The following VPS26C variants were observed in gnomAD, a reference collection of about 807,000 sequenced individuals.
VPS26C encodes the protein VPS26 endosomal protein sorting factor C.
A neutral mutation model predicts 30.6 loss-of-function variants in VPS26C; 19 were observed. The ratio of observed to expected loss-of-function variants is 0.62; its 90% CI spans 0.43 to 0.91. The LOEUF is 0.91. Ranked by LOEUF, VPS26C falls within the 40% of genes least tolerant of loss-of-function variation. VPS26C has a pLI of 0.00. For missense variants in VPS26C, 318 were observed against 385.1 expected, an observed-to-expected ratio of 0.83 and a Z score of 1.46; for synonymous variants, 132 against 151.5, an observed-to-expected ratio of 0.87 and a Z score of 0.95.
intron 1 of VPS26C, among the ~76,000 whole-genome samples, chr21:37,249,752 T>A (rs1315594588): frequency 6.6e-6 from 1 of 152,104 alleles, no homozygotes; most frequent in East Asian, 1.9e-4. Context: ...GATTCTGAAG[T>A]TTATATGCAA....
intron 1 of VPS26C, chr21:37,261,784 C>T (rs907846083): frequency 6.6e-6 from 1 of 151,996 alleles, no homozygotes; most frequent in Non-Finnish European, 1.5e-5. Flanking sequence ...GACATTCCCA[C>T]AGTGCATGAG....
rs761744217 is a variant in VPS26C at position 37,267,267 on chromosome 21, T to C, written c.28A>G (p.Lys10Glu). 1.2e-6 allele frequency: 2 copies of C among 1,613,176 alleles called. No homozygotes were observed. Among genetic ancestry groups the C allele is most frequent in the South Asian group, 1.1e-5 (1 of 91,062 alleles). Residue 10 changes from lysine (K) to glutamate (E), a missense_variant, in exon 1 of 8, where the codon AAA (lysine) becomes GAA (glutamate). Coordinates refer to ENST00000309117, the MANE Select transcript of VPS26C (RefSeq NM_006052.2). ...GCGTGATAAACTTTATTCGCTCTTT[T>C]AATCTTGATGTCCAGGGCGGTCCCC... The part of the protein sequence containing the change: MGTALDIKI[K>E]RANKVYHAGE...
At chr21:37,259,398 C>T (rs2086281138) in intron 1 of VPS26C, among the ~76,000 whole-genome samples, 1 of 151,958 alleles carries the variant, frequency 6.6e-6, no homozygotes, top group African/African-American at 2.4e-5. Flanking sequence ...TGTAACCTGG[C>T]TATGCTGGGG....
At chr21:37,235,010 AT>A (rs761855279) in intron 3 of VPS26C, among the ~76,000 whole-genome samples, 3,013 of 138,610 alleles carry the variant, frequency 0.022, 51 homozygotes, top group Admixed American at 0.04. Context: ...TGGCTGGCTA[AT>A]TTTTTTTTTT....
intron 5 of VPS26C, chr21:37,229,200 G>A (rs1236084585): frequency 2.0e-5 from 3 of 153,354 alleles, no homozygotes; most frequent in Non-Finnish European, 4.3e-5. Flanking sequence ...TCTAGAGCAG[G>A]GGTGTCCACT....
chr21:37,258,436 C>A (rs1383181663), intron 1 of VPS26C, among the ~76,000 whole-genome samples: 2 of 152,208 alleles, frequency 1.3e-5, no homozygotes, highest in Non-Finnish European at 2.9e-5. Flanking sequence ...CCGGGCATTC[C>A]CAGCGCCCCG....
chr21:37,238,261 C>T, intron 3 of VPS26C, 199 bp downstream of exon 3: 1 of 595,566 alleles, frequency 1.7e-6, no homozygotes, highest in Non-Finnish European at 2.8e-6. Flanking sequence ...TGCCTTGAGG[C>T]TCCCATCAGA....
chr21:37,264,925 AT>A (rs1301177621), intron 1 of VPS26C, among the ~76,000 whole-genome samples: 1 of 152,236 alleles, frequency 6.6e-6, no homozygotes, highest in Non-Finnish European at 1.5e-5. Flanking sequence ...AATATGATCT[AT>A]CCATACAATG....
chr21:37,264,770 A>G (rs1048440749), intron 1 of VPS26C, among the ~76,000 whole-genome samples: 3 of 152,234 alleles, frequency 2.0e-5, no homozygotes, highest in Non-Finnish European at 4.4e-5. Flanking sequence ...AAAGTAGCTC[A>G]GCAAAATCCA....
intron 3 of VPS26C, chr21:37,238,156 A>C: frequency 3.2e-6 from 1 of 317,336 alleles, no homozygotes; most frequent in Non-Finnish European, 5.8e-6. Context: ...AAGTTAGGGC[A>C]TATCTGTTAC....
chr21:37,240,713 G>C, intron 1 of VPS26C, 74 bp from the exon 2 acceptor site: 2 of 1,535,072 alleles, frequency 1.3e-6, no homozygotes, highest in Non-Finnish European at 1.8e-6. Context: ...AGCAAACGTA[G>C]GTCTCCTTCA....
At chr21:37,232,102 G>T in intron 5 of VPS26C, 1 of 435,076 alleles carries the variant, frequency 2.3e-6, no homozygotes, top group Non-Finnish European at 4.1e-6. Context: ...GGGGGTCTTG[G>T]GGGCCCATGA....
rs1223793959 is a variant in VPS26C at position 37,226,667 on chromosome 21, A to G, written c.811+987T>C. ...GGAAAACAGCTGCACTGGAGCCGCC[A>G]TGATACCCAGGCGCTGCTTAGAGTC... is the stretch of plus-strand genomic sequence containing the variant. On this transcript the variant is annotated intron_variant, in intron 7 of 7. Transcript: ENST00000309117. The surrounding 1 kb of genome is among the most constrained non-coding windows in gnomAD (Gnocchi z 4.1). The G allele has an allele frequency of 6.6e-6, 1 of 152,208 alleles. No individual in the cohort carries two copies. Among genetic ancestry groups the G allele is most frequent in the Non-Finnish European group, 1.5e-5 (1 of 68,068 alleles). The allele number at this position is 152,208 out of a possible 1,614,324, so 9.4% of individuals were successfully genotyped here.
chr21:37,232,441 C>G lies in VPS26C; in HGVS notation c.443G>C (p.Gly148Ala), dbSNP rs1250988660. 1 of 1,614,158 alleles carries G rather than the reference C, an allele frequency of 6.2e-7. No individual in the cohort carries two copies. The highest frequency in any genetic ancestry group is 1.7e-5 in the Admixed American group (1 of 60,020). Residue 148 changes from glycine to alanine, a missense_variant, in exon 5 of 8, where the codon GGG becomes GCG. Transcript: ENST00000309117. Reference sequence around the variant, plus strand: ...GTCCACGGGACTGGGAGTAAACTTCCCCTTCTGAGGCTAAAACGAGAGGTG... The same window carrying G: ...GTCCACGGGACTGGGAGTAAACTTCGCCTTCTGAGGCTAAAACGAGAGGTG... ...EFIVHSAPQKGKFTPSPVDFT... is the reference protein window; with the variant it reads ...EFIVHSAPQKAKFTPSPVDFT...
chr21:37,227,619 G>A, intron 7 of VPS26C, 35 bp downstream of exon 7: 1 of 1,471,078 alleles, frequency 6.8e-7, no homozygotes, highest in Non-Finnish European at 9.0e-7. Context: ...CCCTTCCCAT[G>A]GGCCCATGAG....
intron 5 of VPS26C, among the ~76,000 whole-genome samples, chr21:37,231,166 GACA>G (rs756722500): frequency 6.6e-6 from 1 of 152,160 alleles, no homozygotes; most frequent in Non-Finnish European, 1.5e-5. Flanking sequence ...AATGTAAACT[GACA>G]ACCGAGGATC....
At chr21:37,239,362 C>T (rs2086059733) in intron 2 of VPS26C, among the ~76,000 whole-genome samples, 1 of 152,116 alleles carries the variant, frequency 6.6e-6, no homozygotes, top group Non-Finnish European at 1.5e-5. Flanking sequence ...CTTTTCCCTG[C>T]AAAACTTAAA....
chr21:37,251,726 AAAAC>A (rs923897854), intron 1 of VPS26C, among the ~76,000 whole-genome samples: 1 of 152,184 alleles, frequency 6.6e-6, no homozygotes, highest in Non-Finnish European at 1.5e-5. Context: ...ATTTTTAAAT[AAAAC>A]AAAATCCCAG....
intron 1 of VPS26C, among the ~76,000 whole-genome samples, chr21:37,249,810 A>G (rs35084296): frequency 0.39 from 59,546 of 152,162 alleles, 11,966 homozygotes; most frequent in East Asian, 0.54. Context: ...CCTGTGAGAT[A>G]TTACAACGCT....
Sources: allele counts gnomAD v4.1 joint callset (sites outside exome capture counted in the v4.1 genomes callset), GRCh38; gene constraint gnomAD v4.1.1; non-coding constraint Gnocchi (gnomAD v3.1); transcripts MANE v1.5; gene names NCBI Gene and HGNC (gene_info 2026-07-23, HGNC 2026-07-21).